Variants in PPFIBP1 observed in about 807,000 individuals in gnomAD.
The protein encoded by PPFIBP1 is PPFIB scaffold protein 1.
In PPFIBP1, 112 loss-of-function variants were observed where a neutral mutation model predicts 137.8. The ratio of observed to expected loss-of-function variants is 0.81; its 90% CI spans 0.70 to 0.95. The LOEUF is 0.95. Ranked by LOEUF, PPFIBP1 falls within the 40% of genes least tolerant of loss-of-function variation. PPFIBP1 has a pLI of 0.00. For missense variants in PPFIBP1, 1,083 were observed against 1,196.6 expected, an observed-to-expected ratio of 0.91 and a Z score of 1.40; for synonymous variants, 378 against 417.3, an observed-to-expected ratio of 0.91 and a Z score of 1.15.
intron 1 of PPFIBP1, among the ~76,000 whole-genome samples, chr12:27,539,806 T>C (rs1945454736): frequency 6.6e-6 from 1 of 152,234 alleles, no homozygotes; most frequent in African/African-American, 2.4e-5. Context: ...TCAGTAATAC[T>C]TTCACATGAA....
At chr12:27,641,120 G>A (rs1357024104) in intron 4 of PPFIBP1, among the ~76,000 whole-genome samples, 1 of 152,166 alleles carries the variant, frequency 6.6e-6, no homozygotes, top group African/African-American at 2.4e-5. Flanking sequence ...TGTATATGCA[G>A]TGTTACTAAT....
At chr12:27,623,357 G>C (rs774195910) in intron 2 of PPFIBP1, among the ~76,000 whole-genome samples, 1 of 152,112 alleles carries the variant, frequency 6.6e-6, no homozygotes, top group African/African-American at 2.4e-5. Context: ...TAAGATTGTG[G>C]ATAGCAAGGC....
At chr12:27,665,690 C>G (rs951458265) in intron 12 of PPFIBP1, among the ~76,000 whole-genome samples, 1 of 152,136 alleles carries the variant, frequency 6.6e-6, no homozygotes, top group African/African-American at 2.4e-5. Context: ...AACGTAAGCA[C>G]TGGATATAAA....
At chr12:27,615,060 G>A (rs2138309319) in intron 2 of PPFIBP1, among the ~76,000 whole-genome samples, 1 of 152,274 alleles carries the variant, frequency 6.6e-6, no homozygotes, top group Middle Eastern at 3.4e-3. Flanking sequence ...TATAGTTCCT[G>A]CAGGCAGATC....
In PPFIBP1 at chr12:27,677,253, G is replaced by C. The variant is rs1022759161; in HGVS notation, c.1615+157G>C. 1.0e-4 allele frequency: 86 copies of C among 849,614 alleles called. 1 individual carries two copies. The Admixed American group carries it at 1.9e-3, about 19-fold the overall frequency. The allele number at this position is 849,614 out of a possible 1,614,324, so 52.6% of individuals were successfully genotyped here. A position where few individuals can be genotyped will look rare whatever the true frequency, so the allele number is the denominator to read the frequency against. ...GTTCTTTCCACCTTCTGCTAAAAAG[G>C]ACTCTGTAGAGGCTTTGCTTCCAAG... On this transcript the variant is annotated intron_variant, in intron 19 of 29. Coordinates refer to ENST00000228425, the MANE Select transcript of PPFIBP1 (RefSeq NM_003622.4).
At chr12:27,647,676 C>A in intron 5 of PPFIBP1, 53 bp from the exon 6 acceptor site, 2 of 1,078,006 alleles carry the variant, frequency 1.9e-6, no homozygotes, top group Non-Finnish European at 2.6e-6. Flanking sequence ...ATAACGTATG[C>A]AGTGGGACCC....
chr12:27,582,905 G>A (rs113206855), intron 2 of PPFIBP1, among the ~76,000 whole-genome samples: 83 of 152,212 alleles, frequency 5.5e-4, no homozygotes, highest in Middle Eastern at 3.4e-3. Flanking sequence ...GTTCTTATTT[G>A]TGGTTCAGAA....
intron 2 of PPFIBP1, among the ~76,000 whole-genome samples, chr12:27,618,962 A>G (rs1309628571): frequency 1.3e-5 from 2 of 152,188 alleles, no homozygotes; most frequent in African/African-American, 4.8e-5. Flanking sequence ...TTCCTTAGCC[A>G]AGTATAACAT....
chr12:27,675,327 G>A (rs1253417167), intron 17 of PPFIBP1, among the ~76,000 whole-genome samples: 2 of 152,160 alleles, frequency 1.3e-5, no homozygotes, highest in Non-Finnish European at 2.9e-5. Context: ...ATGGTTAAAT[G>A]ATTTTGACGT....
intron 2 of PPFIBP1, among the ~76,000 whole-genome samples, chr12:27,619,243 G>A (rs1021032410): frequency 4.6e-5 from 7 of 152,146 alleles, no homozygotes; most frequent in East Asian, 3.9e-4. Context: ...TGCCTATAAC[G>A]TAAGAATATC....
chr12:27,646,731 G>C (rs571121835), intron 5 of PPFIBP1, among the ~76,000 whole-genome samples: 2 of 152,160 alleles, frequency 1.3e-5, no homozygotes, highest in African/African-American at 4.8e-5. Context: ...CCCTCCTTGT[G>C]GGCTAAATTT....
intron 2 of PPFIBP1, among the ~76,000 whole-genome samples, chr12:27,607,510 A>G (rs2054639184): frequency 6.6e-6 from 1 of 152,212 alleles, no homozygotes. Context: ...TGCACATTAG[A>G]ATCACCTGGA....
chr12:27,646,538 T>C (rs2058509328), intron 5 of PPFIBP1, among the ~76,000 whole-genome samples: 1 of 151,876 alleles, frequency 6.6e-6, no homozygotes, highest in Non-Finnish European at 1.5e-5. Context: ...AGCACCATGC[T>C]TCACTGGATC....
chr12:27,583,210 G>A (rs146073014), intron 2 of PPFIBP1, among the ~76,000 whole-genome samples: 9 of 152,166 alleles, frequency 5.9e-5, no homozygotes, highest in Non-Finnish European at 1.0e-4. Flanking sequence ...TCTGCACTTG[G>A]ATGACGGCTT....
intron 1 of PPFIBP1, among the ~76,000 whole-genome samples, chr12:27,535,087 T>G (rs1944843518): frequency 6.6e-6 from 1 of 152,174 alleles, no homozygotes; most frequent in Admixed American, 6.5e-5. Context: ...TATTCTTGAG[T>G]TCAATGGTTT....
chr12:27,683,848 T>C (rs1365361946), intron 24 of PPFIBP1, among the ~76,000 whole-genome samples: 6 of 151,794 alleles, frequency 4.0e-5, no homozygotes, highest in African/African-American at 9.7e-5. Context: ...AGTGCAGTGG[T>C]GCGATCTCGG....
Position 27,687,480 on chromosome 12 carries a change from C to G in PPFIBP1, c.2343C>G (p.Asn781Lys). ...QVLRINNFEP[N>K]CLRRRPSDEN... ...TGAGGATCAATAACTTTGAACCAAA[C>G]TGTCTACGGAGGCGGCCATCTGATG... Residue 781 changes from asparagine (N) to lysine (K), a missense_variant, in exon 25 of 30, where the codon AAC (asparagine) becomes AAG (lysine). Transcript: ENST00000228425. 1.9e-6 allele frequency: 3 copies of G among 1,613,946 alleles called. No individual in the cohort carries two copies. Among genetic ancestry groups the G allele is most frequent in the Non-Finnish European group, 2.5e-6 (3 of 1,179,846 alleles).
chr12:27,633,324 C>A, intron 2 of PPFIBP1, 38 bp from the exon 3 acceptor site: 1 of 1,388,892 alleles, frequency 7.2e-7, no homozygotes, highest in South Asian at 1.2e-5. Context: ...AAGCCTATGT[C>A]ATTTAATGGA....
At chr12:27,536,271 C>T (rs1301313754) in intron 1 of PPFIBP1, among the ~76,000 whole-genome samples, 4 of 152,128 alleles carry the variant, frequency 2.6e-5, no homozygotes, top group Admixed American at 2.0e-4. Flanking sequence ...GTACATATTA[C>T]GTCGTATGTT....
Sources: gnomAD v4.1 joint callset for allele counts (sites outside exome capture counted in the v4.1 genomes callset) on GRCh38, gnomAD v4.1.1 for gene constraint, MANE v1.5 for transcripts, NCBI Gene and HGNC (gene_info 2026-07-23, HGNC 2026-07-21) for gene names.